Variants in PTPRD observed in about 807,000 individuals in gnomAD.
PTPRD encodes protein tyrosine phosphatase receptor type D.
A neutral mutation model predicts 214.5 loss-of-function variants in PTPRD; 34 were observed. That is an observed-to-expected ratio of 0.16 (90% CI 0.12 to 0.21). The LOEUF is 0.21. Among genes scored for constraint, PTPRD ranks in the 10% least tolerant of loss-of-function variants. The probability of loss-of-function intolerance (pLI) is 1.00; values close to 1 mark genes in which losing one functional copy is unlikely to be tolerated. For synonymous variants in PTPRD, 1,128 were observed against 845.7 expected (o/e 1.33, Z -5.79); for missense variants, 2,545 against 2,398.7 (o/e 1.06, Z -1.27).
intron 11 of PTPRD, among the ~76,000 whole-genome samples, chr9:8,911,415 T>TTTTGTGTG (rs1555510112): frequency 7.8e-6 from 1 of 127,630 alleles, no homozygotes; most frequent in Admixed American, 7.9e-5. Context: ...TGTGTGTGTG[T>TTTTGTGTG]TGTGTGTGTG....
chr9:9,478,701 AAATT>A (rs2095243013), intron 8 of PTPRD, among the ~76,000 whole-genome samples: 1 of 152,204 alleles, frequency 6.6e-6, no homozygotes. Flanking sequence ...TTAAAGTTGA[AAATT>A]AATTAATCTT....
At chr9:8,339,844 AC>A (rs869221314) in intron 42 of PTPRD, among the ~76,000 whole-genome samples, 10 of 140,164 alleles carry the variant, frequency 7.1e-5, no homozygotes, top group African/African-American at 2.0e-4. Flanking sequence ...TCAAAAAAAA[AC>A]AAACCACTTT....
chr9:10,446,796 C>A (rs540325682), intron 2 of PTPRD, among the ~76,000 whole-genome samples: 53 of 152,184 alleles, frequency 3.5e-4, no homozygotes, highest in Middle Eastern at 3.4e-3. Context: ...TAAAAGGAAA[C>A]TGGATCCATG....
At chr9:10,068,571 G>A (rs1159385617) in intron 3 of PTPRD, among the ~76,000 whole-genome samples, 12 of 151,820 alleles carry the variant, frequency 7.9e-5, no homozygotes, top group Non-Finnish European at 1.6e-4. Flanking sequence ...TACAATAGTG[G>A]GGACTGTGTT....
chr9:9,818,873 G>A (rs2049701727), intron 5 of PTPRD, among the ~76,000 whole-genome samples: 2 of 145,098 alleles, frequency 1.4e-5, no homozygotes, highest in Admixed American at 1.4e-4. Context: ...CCAAGATTGT[G>A]GCACTGCACT....
chr9:9,285,416 C>A (rs1284375885), intron 9 of PTPRD, among the ~76,000 whole-genome samples: 8 of 151,590 alleles, frequency 5.3e-5, no homozygotes, highest in South Asian at 4.1e-4. Flanking sequence ...TTTTTTTTCT[C>A]AAACTATCAC....
intron 2 of PTPRD, among the ~76,000 whole-genome samples, chr9:10,412,766 T>A (rs936808142): frequency 6.6e-6 from 1 of 151,468 alleles, no homozygotes; most frequent in African/African-American, 2.4e-5. Context: ...TCCACAACGA[T>A]CAAGTAGGCT....
intron 4 of PTPRD, among the ~76,000 whole-genome samples, chr9:9,949,067 G>A (rs368700463): frequency 1.3e-5 from 2 of 151,974 alleles, no homozygotes; most frequent in Non-Finnish European, 2.9e-5. Context: ...AAAATTATAA[G>A]AATTGTTCAT....
chr9:10,539,502 G>A lies in PTPRD; in HGVS notation c.-600+72896C>T, dbSNP rs2757870. 6.4e-4 allele frequency among the ~76,000 whole-genome samples: 98 copies of A among 152,276 alleles called. 1 individual carries two copies. The highest frequency in any genetic ancestry group is 2.2e-3 in the African/African-American group (90 of 41,550). On this transcript the variant is annotated intron_variant, in intron 2 of 45. Coordinates refer to ENST00000381196, the MANE Select transcript of PTPRD (RefSeq NM_002839.4). ...GCCTGGCCTGTTTATCATTTTAATA[G>A]AAAGTCTAACTCCATGTTTTATGTT... is the stretch of plus-strand genomic sequence containing the variant.
At chr9:9,111,935 C>T (rs2099806715) in intron 10 of PTPRD, among the ~76,000 whole-genome samples, 1 of 152,106 alleles carries the variant, frequency 6.6e-6, no homozygotes, top group African/African-American at 2.4e-5. Flanking sequence ...CACTTTCTTT[C>T]TTTCTCCTAG....
At chr9:10,445,685 G>A (rs552705533) in intron 2 of PTPRD, among the ~76,000 whole-genome samples, 1 of 152,100 alleles carries the variant, frequency 6.6e-6, no homozygotes, top group South Asian at 2.1e-4. Context: ...AACAGTGGCT[G>A]AGCAGATGGA....
chr9:8,465,526 T>C lies in PTPRD; in HGVS notation c.3654A>G (p.Gln1218=), dbSNP rs764928968. The C allele has an allele frequency of 5.0e-6, 8 of 1,612,502 alleles. No individual in the cohort carries two copies. The highest frequency in any genetic ancestry group is 1.7e-5 in the Admixed American group (1 of 59,892). ...AGACATATTCTTGACCACTTTGGAG[T>C]TGCTTGTTTGTAAATCCACCATAAT... The part of the protein sequence containing the change: ...DKHYGGFTNK[Q]LQSGQEYVFF... Residue 1218 remains glutamine, a synonymous_variant, in exon 32 of 46, where the codon CAA becomes CAG. Coordinates refer to ENST00000381196, the MANE Select transcript of PTPRD (RefSeq NM_002839.4).
chr9:9,454,704 T>G (rs1178057704), intron 8 of PTPRD, among the ~76,000 whole-genome samples: 1 of 151,730 alleles, frequency 6.6e-6, no homozygotes, highest in African/African-American at 2.4e-5. Flanking sequence ...TATATTTGTA[T>G]AGCTATTTTG....
intron 5 of PTPRD, among the ~76,000 whole-genome samples, chr9:9,790,979 T>C (rs955566608): frequency 6.6e-6 from 1 of 152,178 alleles, no homozygotes; most frequent in Non-Finnish European, 1.5e-5. Flanking sequence ...TCAGTACATA[T>C]CATAAATATA....
chr9:9,381,049 C>T (rs1273325094), intron 9 of PTPRD, among the ~76,000 whole-genome samples: 1 of 152,036 alleles, frequency 6.6e-6, no homozygotes, highest in African/African-American at 2.4e-5. Flanking sequence ...TTTCTTCACT[C>T]ATTTATTTTT....
intron 8 of PTPRD, among the ~76,000 whole-genome samples, chr9:9,466,016 T>G (rs906590715): frequency 6.6e-6 from 1 of 152,156 alleles, no homozygotes; most frequent in African/African-American, 2.4e-5. Flanking sequence ...CACTACAATA[T>G]AAAATCTAGT....
chr9:10,154,845 T>A (rs2099083610), intron 3 of PTPRD, among the ~76,000 whole-genome samples: 1 of 152,178 alleles, frequency 6.6e-6, no homozygotes, highest in Non-Finnish European at 1.5e-5. Flanking sequence ...TTTTGTTTAC[T>A]GTAGCCCTGT....
intron 3 of PTPRD, among the ~76,000 whole-genome samples, chr9:10,203,113 A>G (rs1232384797): frequency 6.6e-6 from 1 of 151,686 alleles, no homozygotes; most frequent in African/African-American, 2.4e-5. Flanking sequence ...TGTGGATTTC[A>G]ATCCAAGTGA....
chr9:10,587,165 A>C (rs572671566), intron 2 of PTPRD, among the ~76,000 whole-genome samples: 3 of 152,110 alleles, frequency 2.0e-5, no homozygotes, highest in Non-Finnish European at 4.4e-5. Context: ...ATACACAAAC[A>C]AGTCAAAGAA....
Sources: allele counts gnomAD v4.1 joint callset (sites outside exome capture counted in the v4.1 genomes callset), GRCh38; gene constraint gnomAD v4.1.1; transcripts MANE v1.5; gene names NCBI Gene and HGNC (gene_info 2026-07-23, HGNC 2026-07-21).